Variants in RABGAP1 observed in about 807,000 individuals in gnomAD.
RABGAP1 encodes the protein rab GTPase-activating protein 1.
A neutral mutation model predicts 137.6 loss-of-function variants in RABGAP1; 23 were observed. The ratio of observed to expected loss-of-function variants is 0.17; its 90% confidence interval spans 0.12 to 0.24. The LOEUF (loss-of-function observed/expected upper bound fraction) is 0.24. Ranked by LOEUF, RABGAP1 falls within the 10% of genes least tolerant of loss-of-function variation. The pLI is 1.00. For missense variants in RABGAP1, 906 were observed against 1,275.8 expected (o/e 0.71, Z 4.42); for synonymous variants, 451 against 450.7 (o/e 1.00, Z -0.01).
intron 6 of RABGAP1, among the ~76,000 whole-genome samples, chr9:122,994,465 A>G (rs1012752367): frequency 2.0e-5 from 3 of 152,236 alleles, no homozygotes; most frequent in African/African-American, 7.2e-5. Context: ...TTGATATGCA[A>G]AAATTTTCTT....
intron 10 of RABGAP1, among the ~76,000 whole-genome samples, chr9:123,005,376 A>G (rs1466293463): frequency 1.3e-5 from 2 of 151,520 alleles, no homozygotes; most frequent in African/African-American, 4.9e-5. Flanking sequence ...GTCCGCTTCC[A>G]TTTGTATCTC....
chr9:122,934,283 T>A, the RABGAP1 span, among the ~76,000 whole-genome samples: 3 of 151,772 alleles, frequency 2.0e-5, no homozygotes, highest in African/African-American at 7.3e-5. Flanking sequence ...TTTCACCATG[T>A]TAGCTAGGAT....
At chr9:122,943,212 C>T (rs918255342) in intron 1 of RABGAP1, among the ~76,000 whole-genome samples, 1 of 151,204 alleles carries the variant, frequency 6.6e-6, no homozygotes, top group African/African-American at 2.4e-5. Context: ...GGATTACAGG[C>T]GTGTGCCACC....
At chr9:123,090,580 C>T (rs1196819399) in intron 21 of RABGAP1, among the ~76,000 whole-genome samples, 195 bp downstream of exon 21, 1 of 152,176 alleles carries the variant, frequency 6.6e-6, no homozygotes, top group East Asian at 1.9e-4. Flanking sequence ...CCCTCCTTAC[C>T]ACATTCTTTT....
intron 10 of RABGAP1, among the ~76,000 whole-genome samples, chr9:122,999,715 T>A (rs955781281): frequency 1.5e-4 from 22 of 143,984 alleles, no homozygotes; most frequent in Non-Finnish European, 3.1e-4. Context: ...AATTTTTAAA[T>A]TTTTTTTTTT....
At chr9:122,939,799 A>G (rs1368226021), upstream of RABGAP1, 2 of 152,224 alleles carry the variant, frequency 1.3e-5, no homozygotes, top group Non-Finnish European at 2.9e-5. Flanking sequence ...GCAGGGGTAC[A>G]CCCACATCTA....
chr9:123,024,567 G>C (rs2031844588), intron 13 of RABGAP1, among the ~76,000 whole-genome samples: 1 of 151,970 alleles, frequency 6.6e-6, no homozygotes, highest in African/African-American at 2.4e-5. Context: ...AGCCTCCTGA[G>C]TAGCTGGGAT....
chr9:122,996,935 G>A, intron 8 of RABGAP1: 1 of 513,240 alleles, frequency 1.9e-6, no homozygotes, highest in East Asian at 4.3e-5. Context: ...GGAGTTATTA[G>A]TATTATTCCC....
chr9:123,074,297 G>C lies in RABGAP1; in HGVS notation c.2122G>C (p.Asp708His). Residue 708 changes from aspartate to histidine, a missense_variant, in exon 17 of 26, where the codon GAC (aspartate) becomes CAC (histidine). By Grantham distance (81) the Asp-to-His change is moderately conservative. This residue lies in a region of RABGAP1 where 25 missense variants were observed against 31.7 expected (regional missense o/e 0.79). Coordinates refer to ENST00000373647, the MANE Select transcript of RABGAP1 (RefSeq NM_012197.4). ...LERLMQEYIP[D>H]LYNHFLDISL... Reference sequence around the variant, plus strand: ...TTTGCTATTTCAGGAATACATTCCTGACCTGTACAACCACTTCCTGGATAT... The same window carrying C: ...TTTGCTATTTCAGGAATACATTCCTCACCTGTACAACCACTTCCTGGATAT... 1 of 1,613,736 alleles carries C rather than the reference G, an allele frequency of 6.2e-7. No homozygotes were observed. The highest frequency in any genetic ancestry group is 8.5e-7 in the Non-Finnish European group (1 of 1,179,774).
At chr9:123,002,366 A>AT (rs1231746572) in intron 10 of RABGAP1, among the ~76,000 whole-genome samples, 86 of 26,244 alleles carry the variant, frequency 3.3e-3, no homozygotes, top group Middle Eastern at 0.024. Flanking sequence ...TTATATATAT[A>AT]TATTTTTTTT....
At chr9:123,090,458 A>AT in intron 21 of RABGAP1, 73 bp downstream of exon 21, 1 of 1,240,096 alleles carries the variant, frequency 8.1e-7, no homozygotes, top group Non-Finnish European at 1.1e-6. Context: ...AAATCCTGGA[A>AT]TTTTAGTGAT....
intron 15 of RABGAP1, among the ~76,000 whole-genome samples, chr9:123,071,039 G>T (rs994151410): frequency 1.3e-5 from 2 of 151,780 alleles, no homozygotes; most frequent in Non-Finnish European, 2.9e-5. Context: ...AATTATTCTT[G>T]AAAGTAAATA....
In RABGAP1 at chr9:123,020,468, G is replaced by T. The variant is rs1305431070; in HGVS notation, c.1794+9G>T. 2 of 1,545,332 alleles carry T rather than the reference G, an allele frequency of 1.3e-6. No individual in the cohort carries two copies. The highest frequency in any genetic ancestry group is 1.8e-6 in the Non-Finnish European group (2 of 1,141,220). On this transcript the variant is annotated intron_variant, in intron 13 of 25. Coordinates refer to ENST00000373647, the MANE Select transcript of RABGAP1 (RefSeq NM_012197.4). Reference sequence around the variant, plus strand: ...GCATTCTTATCACAAAGGTAAGGGGGTGATAATTCAGCTTCAGCATTAATC... The same window carrying T: ...GCATTCTTATCACAAAGGTAAGGGGTTGATAATTCAGCTTCAGCATTAATC...
At chr9:122,991,342 C>T (rs1836711638) in intron 6 of RABGAP1, among the ~76,000 whole-genome samples, 1 of 152,064 alleles carries the variant, frequency 6.6e-6, no homozygotes. Context: ...TCTGTTTCCT[C>T]CATGACTACC....
In RABGAP1 at chr9:123,103,285, A is replaced by G. The variant is rs2035395837; in HGVS notation, c.*72A>G. The G allele has an allele frequency of 5.0e-6, 8 of 1,587,930 alleles. No homozygotes were observed. The South Asian group carries it at 9.2e-5, about 18-fold the overall frequency. Reference sequence around the variant, plus strand: ...GTTGCCTTCTTTGGCCAGATGTGTGATTCTGTGACTTGTCCCAGGACCAGA... The same window carrying G: ...GTTGCCTTCTTTGGCCAGATGTGTGGTTCTGTGACTTGTCCCAGGACCAGA... On this transcript the variant is annotated 3_prime_UTR_variant, in exon 26 of 26. Transcript: ENST00000373647.
chr9:123,027,976 G>A (rs2032078628), intron 13 of RABGAP1, among the ~76,000 whole-genome samples: 1 of 152,162 alleles, frequency 6.6e-6, no homozygotes, highest in African/African-American at 2.4e-5. Context: ...TCTTATCCCT[G>A]TGAAGTTATT....
At chr9:122,974,441 T>TTTTTTTTTA (rs1491062816) in intron 2 of RABGAP1, among the ~76,000 whole-genome samples, 2 of 78,462 alleles carry the variant, frequency 2.5e-5, no homozygotes, top group African/African-American at 3.8e-5. Flanking sequence ...TTTTTTTTTT[T>TTTTTTTTTA]AGTTATAATA....
chr9:123,018,485 T>C (rs1301543647), intron 12 of RABGAP1, among the ~76,000 whole-genome samples: 1 of 152,220 alleles, frequency 6.6e-6, no homozygotes, highest in Non-Finnish European at 1.5e-5. Flanking sequence ...GAAGCTATCA[T>C]ACACAATACT....
chr9:123,096,849 C>T (rs191525074), intron 21 of RABGAP1, among the ~76,000 whole-genome samples: 52 of 152,332 alleles, frequency 3.4e-4, no homozygotes, highest in African/African-American at 1.2e-3. Context: ...GGATTACAGG[C>T]GTGAGCCACC....
Sources: allele counts gnomAD v4.1 joint callset (sites outside exome capture counted in the v4.1 genomes callset), GRCh38; gene constraint gnomAD v4.1.1; regional missense constraint gnomAD v4.1.1; transcripts MANE v1.5; gene names NCBI Gene and HGNC (gene_info 2026-07-23, HGNC 2026-07-21).